NRF1: variants seen among roughly 807,000 people sequenced by gnomAD.
NRF1 encodes nuclear respiratory factor 1.
In NRF1, 5 loss-of-function variants were observed where a neutral mutation model predicts 58.5. The ratio of observed to expected loss-of-function variants is 0.09; its 90% CI spans 0.04 to 0.18. The LOEUF (loss-of-function observed/expected upper bound fraction) is 0.18, where lower values mean the gene tolerates loss of function less well. Among genes scored for constraint, NRF1 ranks in the 10% least tolerant of loss-of-function variants. The pLI, the probability that NRF1 is intolerant of heterozygous loss-of-function variation, is 1.00. For synonymous variants in NRF1, 224 were observed against 246.7 expected (o/e 0.91, Z 0.86); for missense variants, 288 against 657.7 (o/e 0.44, Z 6.15).
At chr7:129,711,678 CTT>C in intron 8 of NRF1, 102 bp downstream of exon 8, 1 of 859,668 alleles carries the variant, frequency 1.2e-6, no homozygotes, top group East Asian at 2.7e-5. Context: ...CTGCGGCACT[CTT>C]TCATTTAAAC....
rs10279366 is a variant in NRF1, at chr7:129,618,419, G to A, written c.-7+6595G>A. 5.3e-3 allele frequency among the ~76,000 whole-genome samples: 807 copies of A among 152,332 alleles called. 6 individuals are homozygous for A. The highest frequency in any genetic ancestry group is 0.019 in the African/African-American group (776 of 41,570). ...GCCATATAGAAACTGCAGAAAGCCAGGCATGGTGCCTCACACCTGTAATCC... is the reference window on the plus strand; with the variant it reads ...GCCATATAGAAACTGCAGAAAGCCAAGCATGGTGCCTCACACCTGTAATCC... On this transcript the variant is annotated intron_variant, in intron 1 of 10. Transcript: ENST00000393232.
chr7:129,617,340 A>C (rs2151053444), intron 1 of NRF1, among the ~76,000 whole-genome samples: 1 of 152,300 alleles, frequency 6.6e-6, no homozygotes, highest in South Asian at 2.1e-4. Context: ...CTGGCAGCTA[A>C]ACCTACAAAG....
At chr7:129,723,955 A>T (rs1232249869) in intron 9 of NRF1, among the ~76,000 whole-genome samples, 12 of 152,252 alleles carry the variant, frequency 7.9e-5, no homozygotes, top group Non-Finnish European at 5.9e-5. Context: ...ACCTACAACT[A>T]TAAAACTCTT....
chr7:129,716,655 A>G (rs1265713278), intron 8 of NRF1, among the ~76,000 whole-genome samples: 2 of 151,966 alleles, frequency 1.3e-5, no homozygotes, highest in Non-Finnish European at 2.9e-5. Context: ...TGGATTACCT[A>G]AGGTCAGGAG....
At chr7:129,698,397 A>C (rs1802747697) in intron 5 of NRF1, among the ~76,000 whole-genome samples, 1 of 151,988 alleles carries the variant, frequency 6.6e-6, no homozygotes, top group Admixed American at 6.5e-5. Flanking sequence ...TTTAGTTATT[A>C]AAATGAAAAT....
intron 4 of NRF1, among the ~76,000 whole-genome samples, chr7:129,682,222 G>A (rs1802331172): frequency 6.6e-6 from 1 of 151,602 alleles, no homozygotes; most frequent in Non-Finnish European, 1.5e-5. Flanking sequence ...CACTTTGGGA[G>A]CTGAGGTGGG....
At chr7:129,722,739 G>A (rs1212059700) in intron 9 of NRF1, among the ~76,000 whole-genome samples, 4 of 152,176 alleles carry the variant, frequency 2.6e-5, no homozygotes, top group Non-Finnish European at 5.9e-5. Context: ...ATGATCAGTT[G>A]CAGGTACACT....
chr7:129,693,987 G>C (rs147058773), intron 5 of NRF1, among the ~76,000 whole-genome samples: 1 of 152,100 alleles, frequency 6.6e-6, no homozygotes, highest in Non-Finnish European at 1.5e-5. Flanking sequence ...CATTTTGGAG[G>C]TAAGACATTT....
chr7:129,645,017 G>T, intron 1 of NRF1, among the ~76,000 whole-genome samples: 1 of 150,160 alleles, frequency 6.7e-6, no homozygotes. Context: ...AATTCCTAAT[G>T]TGATCTGTAA....
At chr7:129,659,285 G>T in intron 2 of NRF1, among the ~76,000 whole-genome samples, 1 of 152,010 alleles carries the variant, frequency 6.6e-6, no homozygotes, top group Non-Finnish European at 1.5e-5. Flanking sequence ...CACCCTGTTG[G>T]CCAGGCCGGT....
At chr7:129,748,547 A>C (rs1465897217) in intron 10 of NRF1, among the ~76,000 whole-genome samples, 2 of 152,312 alleles carry the variant, frequency 1.3e-5, no homozygotes, top group East Asian at 1.9e-4. Flanking sequence ...TTCACATGGC[A>C]TCCAAGGGAC....
chr7:129,728,078 C>T (rs1803490152), intron 10 of NRF1, among the ~76,000 whole-genome samples: 1 of 152,138 alleles, frequency 6.6e-6, no homozygotes, highest in African/African-American at 2.4e-5. Flanking sequence ...ACAAGCTGCC[C>T]AAGGAAGTGC....
chr7:129,668,182 C>T (rs936194102), intron 2 of NRF1, among the ~76,000 whole-genome samples: 1 of 152,076 alleles, frequency 6.6e-6, no homozygotes, highest in Non-Finnish European at 1.5e-5. Flanking sequence ...TATTTAATAG[C>T]CCATACTTTT....
intron 5 of NRF1, among the ~76,000 whole-genome samples, chr7:129,698,567 C>T (rs1431808713): frequency 6.6e-6 from 1 of 152,060 alleles, no homozygotes; most frequent in African/African-American, 2.4e-5. Context: ...AATGAAGTCT[C>T]CTTTTTCAGA....
intron 1 of NRF1, among the ~76,000 whole-genome samples, chr7:129,642,084 T>C (rs1161335475): frequency 6.6e-6 from 1 of 152,048 alleles, no homozygotes; most frequent in Non-Finnish European, 1.5e-5. Flanking sequence ...GTTCCAGCAA[T>C]TCTCCTGCCT....
intron 1 of NRF1, among the ~76,000 whole-genome samples, chr7:129,645,566 A>G (rs1341348109): frequency 6.6e-6 from 1 of 152,222 alleles, no homozygotes; most frequent in African/African-American, 2.4e-5. Context: ...ATGGTAGATA[A>G]AGGTCAAAGG....
chr7:129,681,083 C>T (rs1802296453), intron 4 of NRF1, among the ~76,000 whole-genome samples: 1 of 152,100 alleles, frequency 6.6e-6, no homozygotes, highest in South Asian at 2.1e-4. Context: ...TAAATGTAAT[C>T]ACAAGTGTCT....
intron 1 of NRF1, among the ~76,000 whole-genome samples, chr7:129,648,089 A>G (rs1159476874): frequency 6.6e-6 from 1 of 151,600 alleles, no homozygotes; most frequent in Non-Finnish European, 1.5e-5. Context: ...AGGACTTACA[A>G]TAAAAATCAA....
chr7:129,725,696 A>G (rs1584675526), intron 9 of NRF1, among the ~76,000 whole-genome samples: 1 of 152,222 alleles, frequency 6.6e-6, no homozygotes, highest in African/African-American at 2.4e-5. Flanking sequence ...ATTTTCTTTT[A>G]TACTTAATAG....
Sources: allele counts gnomAD v4.1 joint callset (sites outside exome capture counted in the v4.1 genomes callset), GRCh38; gene constraint gnomAD v4.1.1; transcripts MANE v1.5; gene names NCBI Gene and HGNC (gene_info 2026-07-23, HGNC 2026-07-21).